The following MCM10 variants were observed in gnomAD, a reference collection of about 807,000 sequenced individuals.
The protein encoded by MCM10 is minichromosome maintenance 10 replication initiation factor, also known as protein MCM10 homolog.
MCM10 carries 91 observed loss-of-function variants against 109.9 expected under a neutral mutation model. That is an observed-to-expected ratio of 0.83 (90% CI 0.70 to 0.99). The LOEUF is 0.99. Ranked by LOEUF, MCM10 falls within the 50% of genes least tolerant of loss-of-function variation. MCM10 has a pLI of 0.00. For missense variants in MCM10, 1,077 were observed against 1,061.2 expected (o/e 1.01, Z -0.21); for synonymous variants, 380 against 387.2 (o/e 0.98, Z 0.22).
At chr10:13,204,138 G>A (rs1287576250) in intron 17 of MCM10, 81 bp from the exon 18 acceptor site, 9 of 1,526,624 alleles carry the variant, frequency 5.9e-6, no homozygotes, top group Non-Finnish European at 8.0e-6. Flanking sequence ...TGGTCATGGA[G>A]CAGATTGCCC....
chr10:13,196,333 G>A (rs1219369017), intron 14 of MCM10, among the ~76,000 whole-genome samples: 2 of 152,074 alleles, frequency 1.3e-5, no homozygotes, highest in Non-Finnish European at 2.9e-5. Flanking sequence ...TGCCCCAATC[G>A]AGCCTCTCTC....
chr10:13,177,370 T>G lies in MCM10; in HGVS notation c.764+1689T>G, dbSNP rs1834154780. Among the ~76,000 whole-genome samples, 2 of 152,210 alleles carry G rather than the reference T, an allele frequency of 1.3e-5. 1 individual carries two copies. The highest frequency in any genetic ancestry group is 4.1e-4 in the South Asian group (2 of 4,832). On this transcript the variant is annotated intron_variant, in intron 6 of 19. Transcript: ENST00000378714. ...CAAAATGCTTGGGACCAGAACTGTT[T>G]TGGATTTTGGATTCTGGAATATTTA...
chr10:13,203,054 A>T (rs1175061985), intron 17 of MCM10, among the ~76,000 whole-genome samples: 1 of 152,120 alleles, frequency 6.6e-6, no homozygotes. Flanking sequence ...TATGTTGGAC[A>T]TGCTGGTCTG....
chr10:13,184,240 G>A (rs576915486), intron 8 of MCM10, among the ~76,000 whole-genome samples: 3 of 152,154 alleles, frequency 2.0e-5, no homozygotes, highest in East Asian at 1.9e-4. Context: ...TGATCTACCC[G>A]CCTCGGCCTC....
chr10:13,201,297 A>T, intron 16 of MCM10, 124 bp from the exon 17 acceptor site: 3 of 676,560 alleles, frequency 4.4e-6, no homozygotes, highest in Non-Finnish European at 7.8e-6. Context: ...TGCCTCTTCC[A>T]TTCTGTTCTG....
intron 6 of MCM10, among the ~76,000 whole-genome samples, 190 bp from the exon 7 acceptor site, chr10:13,180,252 A>T (rs1219799322): frequency 2.9e-5 from 3 of 102,010 alleles, no homozygotes; most frequent in Non-Finnish European, 7.2e-5. Flanking sequence ...CTCCATCTTT[A>T]AAAAAAAAAA....
chr10:13,171,148 T>A lies in MCM10; in HGVS notation c.234T>A (p.Phe78Leu). 1 of 1,614,202 alleles carries A rather than the reference T, an allele frequency of 6.2e-7. No individual in the cohort carries two copies. The highest frequency in any genetic ancestry group is 8.5e-7 in the Non-Finnish European group (1 of 1,180,030). The change falls in exon 3 of 20, where the codon TTT becomes TTA. Residue 78 changes from phenylalanine (F) to leucine (L), a missense_variant. Transcript: ENST00000378714. ...AAAAGGAAAATCTGGCCACTCTCTT[T>A]GGAGATATGGAGGACTTAACAGATG... ...RDEKENLATL[F>L]GDMEDLTDEE...
At chr10:13,180,329 A>G in intron 6 of MCM10, 113 bp from the exon 7 acceptor site, 1 of 765,982 alleles carries the variant, frequency 1.3e-6, no homozygotes, top group Non-Finnish European at 2.0e-6. Context: ...TAAGCTTCCC[A>G]AGAACAGGTA....
chr10:13,192,156 T>C (rs750383527), intron 11 of MCM10, 99 bp from the exon 12 acceptor site: 47 of 712,324 alleles, frequency 6.6e-5, no homozygotes, highest in Non-Finnish European at 1.1e-4. Context: ...CGTTTACGTA[T>C]GACTAAAATT....
At chr10:13,185,155 A>G (rs1588472091) in intron 8 of MCM10, among the ~76,000 whole-genome samples, 1 of 151,972 alleles carries the variant, frequency 6.6e-6, no homozygotes, top group African/African-American at 2.4e-5. Flanking sequence ...CAGTCAAGGC[A>G]CTCCAGGCAG....
chr10:13,204,360 T>C lies in MCM10; in HGVS notation c.2494T>C (p.Cys832Arg), dbSNP rs752641303. The C allele has an allele frequency of 6.2e-7, 1 of 1,614,148 alleles. No individual in the cohort carries two copies. The highest frequency in any genetic ancestry group is 1.7e-5 in the Admixed American group (1 of 60,022). ...CTTGGACAGACTCCCGAACAAGCAC[T>C]GCAGGTATGAGAATCACCTGGAGCT... ...ISLDRLPNKHCSNCGLYKWER... is the reference protein window; with the variant it reads ...ISLDRLPNKHRSNCGLYKWER... Residue 832 changes from cysteine to arginine, a missense_variant, in exon 18 of 20, where the codon TGC becomes CGC. Physicochemically the swap from Cys to Arg is radical, Grantham distance 180. Transcript: ENST00000378714.
intron 6 of MCM10, among the ~76,000 whole-genome samples, chr10:13,176,242 A>G (rs1205911032): frequency 1.3e-5 from 2 of 152,166 alleles, no homozygotes; most frequent in Admixed American, 1.3e-4. Context: ...TGCATCTGTT[A>G]TAGGGATACA....
intron 10 of MCM10, among the ~76,000 whole-genome samples, chr10:13,190,386 A>G (rs549724890): frequency 1.3e-5 from 2 of 152,330 alleles, no homozygotes; most frequent in East Asian, 1.9e-4. Flanking sequence ...TATCACCTGA[A>G]AAACTGTTAG....
chr10:13,186,386 C>G (rs1174160749), intron 9 of MCM10, 106 bp downstream of exon 9: 3 of 699,966 alleles, frequency 4.3e-6, no homozygotes, highest in Non-Finnish European at 7.2e-6. Flanking sequence ...GAGTTTCCCA[C>G]TTAAAGGAAG....
intron 16 of MCM10, 117 bp downstream of exon 16, chr10:13,198,924 C>A: frequency 1.4e-6 from 1 of 710,672 alleles, no homozygotes; most frequent in South Asian, 1.8e-5. Context: ...GAGACAGAGT[C>A]TCAGTCTGTG....
intron 17 of MCM10, among the ~76,000 whole-genome samples, chr10:13,203,551 G>T (rs1834528018): frequency 6.6e-6 from 1 of 152,148 alleles, no homozygotes; most frequent in Admixed American, 6.5e-5. Flanking sequence ...CCAGCCTTGG[G>T]CTCACCACTC....
At chr10:13,189,470 G>A (rs749853329) in intron 10 of MCM10, among the ~76,000 whole-genome samples, 9 of 152,138 alleles carry the variant, frequency 5.9e-5, no homozygotes, top group East Asian at 5.8e-4. Context: ...CTACAGGCGC[G>A]TGCCACCACG....
Position 13,175,689 on chromosome 10 carries a change from G to T in MCM10, c.764+8G>T. 6.3e-7 allele frequency: 1 copy of T among 1,582,034 alleles called. No homozygotes were observed. The highest frequency in any genetic ancestry group is 1.1e-5 in the South Asian group (1 of 87,256). On this transcript the variant is annotated splice_region_variant and intron_variant, in intron 6 of 19. Transcript: ENST00000378714. ...CTCTGGTCTGCGGCTCAGGTCAGTA[G>T]CTAAACCATCTATTCATGTGCGCCA...
chr10:13,202,599 A>C (rs1052913776), intron 17 of MCM10, among the ~76,000 whole-genome samples: 1 of 152,214 alleles, frequency 6.6e-6, no homozygotes, highest in Non-Finnish European at 1.5e-5. Flanking sequence ...TTCCTTGAGA[A>C]AGTTTCTGTC....
Sources: gnomAD v4.1 joint callset for allele counts (sites outside exome capture counted in the v4.1 genomes callset) on GRCh38, gnomAD v4.1.1 for gene constraint, MANE v1.5 for transcripts, NCBI Gene and HGNC (gene_info 2026-07-23, HGNC 2026-07-21) for gene names.